NTN1: variants seen among roughly 807,000 people sequenced by gnomAD.
NTN1 encodes netrin-1.
Under a neutral mutation model 54.2 loss-of-function variants are expected in NTN1, and 11 were observed. The ratio of observed to expected loss-of-function variants is 0.20; its 90% CI spans 0.13 to 0.34. The LOEUF (loss-of-function observed/expected upper bound fraction) is 0.34, where lower values mean the gene tolerates loss of function less well. NTN1 is among the 10% of genes least tolerant of loss of function. The probability of loss-of-function intolerance (pLI) is 1.00; values close to 1 mark genes in which losing one functional copy is unlikely to be tolerated. For missense variants in NTN1, 740 were observed against 893.1 expected (o/e 0.83, Z 2.18); for synonymous variants, 371 against 382.0 (o/e 0.97, Z 0.33).
At chr17:9,068,196 T>C (rs542882835) in intron 2 of NTN1, among the ~76,000 whole-genome samples, 6 of 152,182 alleles carry the variant, frequency 3.9e-5, no homozygotes, top group Non-Finnish European at 5.9e-5. Flanking sequence ...GTTCTTTTTT[T>C]TCTGAGACAG....
At chr17:9,003,826 G>C in the NTN1 span, among the ~76,000 whole-genome samples, 6 of 152,054 alleles carry the variant, frequency 3.9e-5, no homozygotes, top group Non-Finnish European at 8.8e-5. The surrounding 1 kb of genome is among the most constrained non-coding windows in gnomAD (Gnocchi z 7.4). Context: ...GGCTTTCACA[G>C]ACAGAAAATG....
At chr17:9,150,631 C>A (rs1441891126) in intron 2 of NTN1, among the ~76,000 whole-genome samples, 3 of 152,090 alleles carry the variant, frequency 2.0e-5, no homozygotes, top group African/African-American at 7.2e-5. Context: ...GCCGGGCAGG[C>A]GGAGAGAAGG....
chr17:9,184,796 A>G (rs528150382), intron 5 of NTN1, among the ~76,000 whole-genome samples: 62 of 152,300 alleles, frequency 4.1e-4, no homozygotes, highest in African/African-American at 1.4e-3. Flanking sequence ...TGTGGAGGGG[A>G]GGGATCTCAT....
Position 9,239,833 on chromosome 17 carries a change from C to G in NTN1, c.1680C>G (p.Asn560Lys). Residue 560 changes from asparagine (N) to lysine (K), a missense_variant, in exon 7 of 7, where the codon AAC becomes AAG. Asn to Lys is a moderately conservative substitution (Grantham distance 94). Coordinates refer to ENST00000173229, the MANE Select transcript of NTN1 (RefSeq NM_004822.3). The surrounding 1 kb of genome is among the most constrained non-coding windows in gnomAD (Gnocchi z 5.2). ...KPLKKYLLLG[N>K]AEDSPDQSGI... ...TCAAGAAGTACCTGCTGCTGGGCAA[C>G]GCGGAGGACTCTCCGGACCAGAGCG... is the stretch of plus-strand genomic sequence containing the variant. 1 of 1,613,346 alleles carries G rather than the reference C, an allele frequency of 6.2e-7. No individual in the cohort carries two copies. Among genetic ancestry groups the G allele is most frequent in the Non-Finnish European group, 8.5e-7 (1 of 1,179,962 alleles).
chr17:9,013,216 CTTTT>C, the NTN1 span, among the ~76,000 whole-genome samples: 1 of 118,722 alleles, frequency 8.4e-6, no homozygotes, highest in Non-Finnish European at 1.7e-5. Flanking sequence ...TTTTCTTTTT[CTTTT>C]TTTTTTTTTT....
intron 2 of NTN1, among the ~76,000 whole-genome samples, chr17:9,117,957 C>A (rs1434552464): frequency 6.6e-6 from 1 of 152,052 alleles, no homozygotes; most frequent in Non-Finnish European, 1.5e-5. Context: ...GGACAGGTGC[C>A]CTATCTCAGG....
At chr17:9,070,662 G>A (rs763414923) in intron 2 of NTN1, among the ~76,000 whole-genome samples, 38 of 152,148 alleles carry the variant, frequency 2.5e-4, no homozygotes, top group Admixed American at 4.6e-4. Flanking sequence ...TGCGATCTCT[G>A]CTCACTGCAA....
chr17:9,226,689 T>C (rs1905575632), intron 6 of NTN1, among the ~76,000 whole-genome samples: 1 of 151,676 alleles, frequency 6.6e-6, no homozygotes, highest in Non-Finnish European at 1.5e-5. Flanking sequence ...AGAAGATAGG[T>C]TTTATTATTT....
rs538994417 is a variant in NTN1 at position 9,183,329 on chromosome 17, G to A, written c.1411+360G>A. On this transcript the variant is annotated intron_variant, in intron 5 of 6. Transcript: ENST00000173229. The stretch of plus-strand genomic sequence containing the variant: ...GCAGAGAAGGAAGGAGCCAGATGCT[G>A]GGGATACAGAAGGAGGCTTGGGCAC... 4.5e-5 allele frequency: 24 copies of A among 536,600 alleles called. No homozygotes were observed. The East Asian group carries it at 9.0e-4, about 20-fold the overall frequency. 33.2% of individuals were successfully genotyped at this position (536,600 alleles called of 1,614,324 possible).
chr17:9,230,502 C>T lies in NTN1; in HGVS notation c.1487-9138C>T, dbSNP rs371014812. ...GAGGCCAGATGTGGAGCTGGGCCCG[C>T]GTGAGTCAGTCTGAGGTCGTGGAAT... On this transcript the variant is annotated intron_variant, in intron 6 of 6. Transcript: ENST00000173229. 5.3e-5 allele frequency among the ~76,000 whole-genome samples: 8 copies of T among 151,786 alleles called. No individual in the cohort carries two copies. The South Asian group carries it at 6.3e-4, about 12-fold the overall frequency.
chr17:9,003,986 C>A, the NTN1 span, among the ~76,000 whole-genome samples: 2 of 152,214 alleles, frequency 1.3e-5, no homozygotes, highest in Non-Finnish European at 2.9e-5. The surrounding 1 kb of genome is among the most constrained non-coding windows in gnomAD (Gnocchi z 7.4). Context: ...CACTCGAGTG[C>A]CTTCGACGGG....
intron 5 of NTN1, among the ~76,000 whole-genome samples, chr17:9,199,755 C>T (rs11651195): frequency 0.2 from 29,693 of 152,246 alleles, 3,125 homozygotes; most frequent in East Asian, 0.35. Flanking sequence ...CCTGGTTGGG[C>T]GGGGAATGGA....
At chr17:9,058,746 T>G (rs1196693644) in intron 2 of NTN1, among the ~76,000 whole-genome samples, 1 of 151,700 alleles carries the variant, frequency 6.6e-6, no homozygotes, top group African/African-American at 2.4e-5. Flanking sequence ...TTTTCCATCA[T>G]GAATTCTTTT....
chr17:9,093,414 G>T (rs2092119979), intron 2 of NTN1, among the ~76,000 whole-genome samples: 1 of 152,150 alleles, frequency 6.6e-6, no homozygotes. Flanking sequence ...CCAGGCTGGA[G>T]TGCAGTGGCA....
At chr17:9,163,058 C>T (rs1282891441) in intron 3 of NTN1, 57 bp downstream of exon 3, 4 of 1,497,452 alleles carry the variant, frequency 2.7e-6, no homozygotes, top group African/African-American at 1.4e-5. Context: ...ATCAGTCCTC[C>T]CGCTCCCTCC....
intron 6 of NTN1, among the ~76,000 whole-genome samples, chr17:9,235,784 G>A (rs1330024223): frequency 2.9e-5 from 4 of 137,470 alleles, no homozygotes; most frequent in Non-Finnish European, 4.6e-5. Context: ...GTCTCGCCCT[G>A]TCCCCTGTCA....
the NTN1 span, among the ~76,000 whole-genome samples, chr17:9,004,980 C>T: frequency 6.6e-5 from 10 of 152,298 alleles, no homozygotes; most frequent in South Asian, 1.9e-3. Context: ...TCATCCCTCC[C>T]CTCTGTGTCT....
At chr17:9,163,336 C>G (rs576989293) in intron 3 of NTN1, among the ~76,000 whole-genome samples, 1 of 152,278 alleles carries the variant, frequency 6.6e-6, no homozygotes, top group East Asian at 1.9e-4. Context: ...TGGGCTTCTC[C>G]TCTGCACAGG....
At chr17:9,233,112 G>A (rs954777922) in intron 6 of NTN1, among the ~76,000 whole-genome samples, 2 of 152,044 alleles carry the variant, frequency 1.3e-5, no homozygotes, top group Non-Finnish European at 2.9e-5. Context: ...TCCTTCGGAG[G>A]GGGAAGCTGC....
Sources: gnomAD v4.1 joint callset for allele counts (sites outside exome capture counted in the v4.1 genomes callset) on GRCh38, gnomAD v4.1.1 for gene constraint, Gnocchi (gnomAD v3.1) non-coding constraint, MANE v1.5 for transcripts, NCBI Gene and HGNC (gene_info 2026-07-23, HGNC 2026-07-21) for gene names.